The following SH3GL3 variants were observed in gnomAD, a reference collection of about 807,000 sequenced individuals.
SH3GL3 encodes the protein endophilin-A3.
In SH3GL3, 33 loss-of-function variants were observed where a neutral mutation model predicts 47.7. The observed-to-expected ratio is 0.69, with a 90% CI of 0.52 to 0.92. The LOEUF (loss-of-function observed/expected upper bound fraction) is 0.92. Ranked by LOEUF, SH3GL3 falls within the 40% of genes least tolerant of loss-of-function variation. The pLI is 0.00. For synonymous variants in SH3GL3, 155 were observed against 148.8 expected (o/e 1.04, Z -0.30); for missense variants, 363 against 417.8 (o/e 0.87, Z 1.14).
chr15:83,591,170 G>T (rs927531909), intron 8 of SH3GL3, among the ~76,000 whole-genome samples: 2 of 152,030 alleles, frequency 1.3e-5, no homozygotes, highest in Non-Finnish European at 2.9e-5. Context: ...ACAATGCCCA[G>T]CTAATTTTTG....
chr15:83,500,279 G>C (rs1284437498), intron 1 of SH3GL3, among the ~76,000 whole-genome samples: 1 of 152,130 alleles, frequency 6.6e-6, no homozygotes, highest in South Asian at 2.1e-4. Flanking sequence ...ATAAATCCCT[G>C]GTGTCAATGC....
At position 83,519,505 on chromosome 15, in the gene SH3GL3, G is replaced by A. The variant is rs370498501; in HGVS notation, c.46-39748G>A. On this transcript the variant is annotated intron_variant, in intron 1 of 8. Transcript: ENST00000427482. ...GTATAGAAATGCTACTGATTTTTGC[G>A]CATTGATTTTGTATTCTGAAACTTT... Among the ~76,000 whole-genome samples the A allele has an allele frequency of 2.6e-4, 39 of 152,212 alleles. 2 individuals carry two copies. The highest frequency in any genetic ancestry group is 1.5e-3 in the Admixed American group (23 of 15,286).
intron 1 of SH3GL3, among the ~76,000 whole-genome samples, chr15:83,481,136 G>A (rs941225479): frequency 1.3e-5 from 2 of 152,182 alleles, no homozygotes; most frequent in Non-Finnish European, 2.9e-5. Flanking sequence ...ATTAGCGGGC[G>A]TGGTGGCAGC....
intron 6 of SH3GL3, 89 bp from the exon 7 acceptor site, chr15:83,586,894 A>G: frequency 6.3e-6 from 4 of 630,146 alleles, no homozygotes; most frequent in South Asian, 4.3e-5. Context: ...TCTTCCCTGC[A>G]AAGCTAGGTC....
At chr15:83,550,292 T>C (rs1209250184) in intron 1 of SH3GL3, among the ~76,000 whole-genome samples, 1 of 152,144 alleles carries the variant, frequency 6.6e-6, no homozygotes, top group Non-Finnish European at 1.5e-5. Flanking sequence ...CCTTGGAGAT[T>C]TTCCTATTAG....
At chr15:83,475,910 G>A (rs2041074547) in intron 1 of SH3GL3, among the ~76,000 whole-genome samples, 1 of 152,168 alleles carries the variant, frequency 6.6e-6, no homozygotes, top group Non-Finnish European at 1.5e-5. Context: ...ATAATTAGGA[G>A]TAAGGATTTC....
chr15:83,525,351 C>CGTGTGTGTGT (rs3078536), intron 1 of SH3GL3, among the ~76,000 whole-genome samples: 8,983 of 148,022 alleles, frequency 0.061, 369 homozygotes, highest in African/African-American at 0.11. Context: ...ATTCTTTGTG[C>CGTGTGTGTGT]GTGTGTGTGT....
the SH3GL3 span, among the ~76,000 whole-genome samples, chr15:83,629,701 T>C: frequency 6.6e-6 from 1 of 152,100 alleles, no homozygotes; most frequent in South Asian, 2.1e-4. Flanking sequence ...GCACCTATAG[T>C]ACTAGCTACT....
intron 2 of SH3GL3, among the ~76,000 whole-genome samples, chr15:83,561,595 T>C (rs1389404632): frequency 6.6e-6 from 1 of 151,634 alleles, no homozygotes; most frequent in Admixed American, 6.6e-5. Flanking sequence ...TAGAAAACAA[T>C]AACCACAAAA....
intron 1 of SH3GL3, among the ~76,000 whole-genome samples, chr15:83,457,129 A>G (rs543490099): frequency 7.6e-4 from 116 of 152,310 alleles, no homozygotes; most frequent in Non-Finnish European, 1.5e-3. Context: ...GGGCACACCT[A>G]TGTGTGTTCT....
intron 8 of SH3GL3, among the ~76,000 whole-genome samples, chr15:83,617,738 G>T (rs2060864080): frequency 6.6e-6 from 1 of 152,190 alleles, no homozygotes; most frequent in Non-Finnish European, 1.5e-5. Flanking sequence ...CAAAGAAACT[G>T]TAAGCTCCCA....
chr15:83,556,774 A>G (rs1208430760), intron 1 of SH3GL3, among the ~76,000 whole-genome samples: 3 of 152,202 alleles, frequency 2.0e-5, no homozygotes, highest in African/African-American at 4.8e-5. Flanking sequence ...TGGGTCAGCA[A>G]TTTGGGCTGG....
intron 1 of SH3GL3, among the ~76,000 whole-genome samples, chr15:83,518,060 G>A (rs1197541133): frequency 6.6e-6 from 1 of 152,162 alleles, no homozygotes; most frequent in Non-Finnish European, 1.5e-5. Context: ...CTGCATCTGT[G>A]TTGCTGCAAA....
At chr15:83,493,137 A>G (rs11637452) in intron 1 of SH3GL3, among the ~76,000 whole-genome samples, 2 of 152,006 alleles carry the variant, frequency 1.3e-5, no homozygotes, top group Admixed American at 6.5e-5. Flanking sequence ...TTATTTTTTT[A>G]AAAAAGAGTG....
chr15:83,590,826 C>T (rs1002747596), intron 8 of SH3GL3, among the ~76,000 whole-genome samples: 1 of 152,192 alleles, frequency 6.6e-6, no homozygotes, highest in Middle Eastern at 3.4e-3. Flanking sequence ...CAGGTTCTTT[C>T]TATATATGTG....
chr15:83,550,914 A>C (rs1245687827), intron 1 of SH3GL3, among the ~76,000 whole-genome samples: 1 of 152,170 alleles, frequency 6.6e-6, no homozygotes, highest in Non-Finnish European at 1.5e-5. Flanking sequence ...CCTAAGTTAC[A>C]AATTTTGCTT....
At chr15:83,548,699 GTGTATCTTTC>G (rs1323796879) in intron 1 of SH3GL3, among the ~76,000 whole-genome samples, 1 of 152,078 alleles carries the variant, frequency 6.6e-6, no homozygotes, top group Non-Finnish European at 1.5e-5. Context: ...TGAATGCAAT[GTGTATCTTTC>G]TCTTTGTCTT....
chr15:83,609,142 C>T, intron 8 of SH3GL3: 1 of 392,718 alleles, frequency 2.5e-6, no homozygotes, highest in South Asian at 1.8e-5. Flanking sequence ...ATTGCTACCT[C>T]ACAGGATTAT....
chr15:83,465,024 A>AATAATG (rs1338576703), intron 1 of SH3GL3, among the ~76,000 whole-genome samples: 1 of 149,464 alleles, frequency 6.7e-6, no homozygotes, highest in Non-Finnish European at 1.5e-5. Context: ...TAATAATAAT[A>AATAATG]ACAGCAATAA....
Sources: allele counts gnomAD v4.1 joint callset (sites outside exome capture counted in the v4.1 genomes callset), GRCh38; gene constraint gnomAD v4.1.1; transcripts MANE v1.5; gene names NCBI Gene and HGNC (gene_info 2026-07-23, HGNC 2026-07-21).